UBE3C: variants seen among roughly 807,000 people sequenced by gnomAD.
The protein encoded by UBE3C is ubiquitin protein ligase E3C.
A neutral mutation model predicts 129.4 loss-of-function variants in UBE3C; 42 were observed. That is an observed-to-expected ratio of 0.32 (90% CI 0.25 to 0.42). The LOEUF (loss-of-function observed/expected upper bound fraction) is 0.42, where lower values mean the gene tolerates loss of function less well. Ranked by LOEUF, UBE3C falls within the 10% of genes least tolerant of loss-of-function variation. The pLI is 1.00. For synonymous variants in UBE3C, 510 were observed against 492.4 expected (o/e 1.04, Z -0.47); for missense variants, 1,049 against 1,319.1 (o/e 0.80, Z 3.17).
At chr7:157,216,795 T>A in intron 13 of UBE3C, 72 bp from the exon 14 acceptor site, 1 of 1,223,278 alleles carries the variant, frequency 8.2e-7, no homozygotes, top group Non-Finnish European at 1.2e-6. Flanking sequence ...CCTCCTCGAG[T>A]GAATGTATGG....
chr7:157,264,622 C>T (rs1797027130), intron 22 of UBE3C, among the ~76,000 whole-genome samples: 1 of 152,170 alleles, frequency 6.6e-6, no homozygotes. Context: ...ACTCTTATTG[C>T]CCAGGCTGGA....
At chr7:157,239,212 C>T (rs559834499) in intron 18 of UBE3C, among the ~76,000 whole-genome samples, 50 of 152,174 alleles carry the variant, frequency 3.3e-4, no homozygotes, top group African/African-American at 9.9e-4. Flanking sequence ...AAATGTCCTT[C>T]GAAAGCATAA....
At chr7:157,166,066 T>C (rs1185654632) in intron 2 of UBE3C, among the ~76,000 whole-genome samples, 1 of 152,220 alleles carries the variant, frequency 6.6e-6, no homozygotes, top group Non-Finnish European at 1.5e-5. Flanking sequence ...TCATCTATTA[T>C]TTCATTAAAT....
chr7:157,243,998 G>A (rs1487777922), intron 18 of UBE3C, among the ~76,000 whole-genome samples: 2 of 152,142 alleles, frequency 1.3e-5, no homozygotes, highest in Non-Finnish European at 2.9e-5. Flanking sequence ...TTGGGAGGCC[G>A]AGGCGGGTGA....
intron 22 of UBE3C, among the ~76,000 whole-genome samples, chr7:157,259,721 G>C (rs1796847865): frequency 1.3e-5 from 2 of 152,296 alleles, no homozygotes; most frequent in Middle Eastern, 3.4e-3. Context: ...CACAGGGCTG[G>C]AGGTGGCAGC....
intron 1 of UBE3C, among the ~76,000 whole-genome samples, chr7:157,162,651 C>T (rs1808103583): frequency 6.6e-6 from 1 of 151,842 alleles, no homozygotes; most frequent in Non-Finnish European, 1.5e-5. Flanking sequence ...GTGATCCTCC[C>T]ACCTCAGCCC....
intron 2 of UBE3C, among the ~76,000 whole-genome samples, chr7:157,168,096 A>G (rs566919889): frequency 6.6e-6 from 1 of 152,160 alleles, no homozygotes; most frequent in Non-Finnish European, 1.5e-5. Flanking sequence ...TCATGCCTGT[A>G]ATCTCAGCAT....
At chr7:157,256,759 C>T (rs751217940) in intron 21 of UBE3C, 155 bp from the exon 22 acceptor site, 23 of 833,620 alleles carry the variant, frequency 2.8e-5, no homozygotes, top group East Asian at 5.2e-5. Context: ...GTGCACAGCA[C>T]GTACACAGGT....
intron 13 of UBE3C, among the ~76,000 whole-genome samples, chr7:157,215,750 G>A (rs1795547850): frequency 6.6e-6 from 1 of 151,886 alleles, no homozygotes; most frequent in African/African-American, 2.4e-5. Context: ...CCTGGTTGTA[G>A]ACATTTAAAA....
Position 157,174,999 on chromosome 7 carries a change from A to C in UBE3C, c.423A>C (p.Leu141Phe), listed in dbSNP as rs1384332359. 1.9e-6 allele frequency: 3 copies of C among 1,612,306 alleles called. No homozygotes were observed. The highest frequency in any genetic ancestry group is 2.5e-6 in the Non-Finnish European group (3 of 1,179,352). The change falls in exon 5 of 23, where the codon TTA (leucine) becomes TTC (phenylalanine). Residue 141 changes from leucine to phenylalanine, a missense_variant. Coordinates refer to ENST00000348165, the MANE Select transcript of UBE3C (RefSeq NM_014671.3). ...ATGGATCTGAGAGACTTACATGCTTATTTCAGATAAAAAGATTGATGAGCC... is the reference window on the plus strand; with the variant it reads ...ATGGATCTGAGAGACTTACATGCTTCTTTCAGATAAAAAGATTGATGAGCC... ...QLDGSERLTC[L>F]FQIKRLMSLC...
At chr7:157,223,765 C>T (rs1257791072) in intron 16 of UBE3C, among the ~76,000 whole-genome samples, 3 of 151,992 alleles carry the variant, frequency 2.0e-5, no homozygotes, top group African/African-American at 7.2e-5. Flanking sequence ...ACAAAGAATA[C>T]AAAAGTTAGT....
chr7:157,260,558 G>C (rs996754021), intron 22 of UBE3C, among the ~76,000 whole-genome samples: 1 of 152,194 alleles, frequency 6.6e-6, no homozygotes, highest in Admixed American at 6.6e-5. Flanking sequence ...GCGTGCAGAC[G>C]ACTTTTTATC....
intron 10 of UBE3C, 104 bp from the exon 11 acceptor site, chr7:157,201,617 C>T (rs2301915): frequency 0.096 from 63,647 of 660,124 alleles, 5,386 homozygotes; most frequent in East Asian, 0.19. Context: ...CTAAATTGTA[C>T]GTTGATCTTC....
Position 157,181,804 on chromosome 7 carries a change from A to G in UBE3C, c.770+133A>G, listed in dbSNP as rs1305263262. On this transcript the variant is annotated intron_variant, in intron 7 of 22. Coordinates refer to ENST00000348165, the MANE Select transcript of UBE3C (RefSeq NM_014671.3). ...TACTTTATTAGTGTTGATTTAGTTT[A>G]TAGGAAAGTGTACTTTTTCTTTCTG... 3.3e-6 allele frequency: 4 copies of G among 1,222,430 alleles called. No homozygotes were observed. The East Asian group carries it at 1.0e-4, about 31-fold the overall frequency. 75.7% of individuals were successfully genotyped at this position (1,222,430 alleles called of 1,614,324 possible).
At chr7:157,254,358 C>CTGAAA (rs770306866) in intron 21 of UBE3C, 48 bp downstream of exon 21, 51 of 1,138,580 alleles carry the variant, frequency 4.5e-5, no homozygotes, top group Non-Finnish European at 5.9e-5. Context: ...TGCAGGTGGT[C>CTGAAA]ATATTTCCAA....
At chr7:157,217,366 G>A (rs1333189483) in intron 14 of UBE3C, 1 of 166,194 alleles carries the variant, frequency 6.0e-6, no homozygotes, top group Non-Finnish European at 1.3e-5. Flanking sequence ...TGCCCGTGGT[G>A]GTCTCAAACT....
At chr7:157,201,270 G>A (rs1052266941) in intron 10 of UBE3C, among the ~76,000 whole-genome samples, 7 of 152,204 alleles carry the variant, frequency 4.6e-5, no homozygotes, top group African/African-American at 1.7e-4. Context: ...GTTGCAGTGA[G>A]CCAAGATCGT....
chr7:157,255,173 G>T, intron 21 of UBE3C, among the ~76,000 whole-genome samples: 1 of 152,254 alleles, frequency 6.6e-6, no homozygotes, highest in Admixed American at 6.5e-5. Flanking sequence ...AAAACCAGAT[G>T]TTTAACATAG....
chr7:157,227,167 ATGAGTT>A (rs1455393307), intron 17 of UBE3C, among the ~76,000 whole-genome samples: 1 of 152,130 alleles, frequency 6.6e-6, no homozygotes, highest in African/African-American at 2.4e-5. Flanking sequence ...TGACAAAACA[ATGAGTT>A]TGCCAATGAT....
Sources: allele counts gnomAD v4.1 joint callset (sites outside exome capture counted in the v4.1 genomes callset), GRCh38; gene constraint gnomAD v4.1.1; transcripts MANE v1.5; gene names NCBI Gene and HGNC (gene_info 2026-07-23, HGNC 2026-07-21).